QKI: variants seen among roughly 807,000 people sequenced by gnomAD.
The protein encoded by QKI is KH domain-containing RNA-binding protein QKI.
QKI carries 10 observed loss-of-function variants against 39.0 expected under a neutral mutation model. The observed-to-expected ratio is 0.26, with a 90% CI of 0.16 to 0.43. The LOEUF is 0.43. QKI is among the 20% of genes least tolerant of loss of function. QKI has a pLI of 1.00. For synonymous variants in QKI, 204 were observed against 155.4 expected, an observed-to-expected ratio of 1.31 and a Z score of -2.33; for missense variants, 218 against 428.0, an observed-to-expected ratio of 0.51 and a Z score of 4.33.
intron 1 of QKI, among the ~76,000 whole-genome samples, chr6:163,447,795 T>G (rs1790264433): frequency 6.6e-6 from 1 of 152,232 alleles, no homozygotes; most frequent in South Asian, 2.1e-4. Context: ...TTTATTATGC[T>G]ACTGTTTTTA....
intron 2 of QKI, among the ~76,000 whole-genome samples, chr6:163,456,739 AGTTG>A (rs1235319785): frequency 6.6e-6 from 1 of 152,052 alleles, no homozygotes; most frequent in Non-Finnish European, 1.5e-5. Context: ...GGAAAAGAGG[AGTTG>A]GTTGGAAGAT....
At chr6:163,521,647 C>T (rs1039896295) in intron 3 of QKI, among the ~76,000 whole-genome samples, 3 of 152,082 alleles carry the variant, frequency 2.0e-5, no homozygotes, top group African/African-American at 2.4e-5. Flanking sequence ...CTCAGCCTCC[C>T]GGGTAGCTGG....
intron 1 of QKI, among the ~76,000 whole-genome samples, chr6:163,439,461 C>A (rs1229609709): frequency 6.6e-6 from 1 of 150,598 alleles, no homozygotes; most frequent in Middle Eastern, 3.4e-3. Flanking sequence ...GATTCTCCTG[C>A]CTCAGTCTCC....
chr6:163,506,712 A>T (rs1779116234), intron 3 of QKI, among the ~76,000 whole-genome samples: 1 of 152,218 alleles, frequency 6.6e-6, no homozygotes, highest in South Asian at 2.1e-4. Context: ...TATAATGTGC[A>T]TAGTGCCTGG....
chr6:163,564,540 A>G (rs1018469914), intron 6 of QKI: 57 of 1,537,272 alleles, frequency 3.7e-5, no homozygotes, highest in African/African-American at 8.3e-5. Flanking sequence ...AGTTAAATAA[A>G]TAGCAAATCA....
chr6:163,415,776 C>T (rs1229090442), intron 1 of QKI: 2 of 336,184 alleles, frequency 5.9e-6, no homozygotes, highest in East Asian at 2.2e-4. Flanking sequence ...CGCTCGGCCT[C>T]CCGAGCCTGC....
intron 1 of QKI, among the ~76,000 whole-genome samples, chr6:163,415,611 A>G (rs1478744936): frequency 6.6e-6 from 1 of 151,350 alleles, no homozygotes; most frequent in Non-Finnish European, 1.5e-5. Context: ...CTGCGGGGTG[A>G]GCCCTGCGGC....
At chr6:163,419,023 A>G (rs1240350163) in intron 1 of QKI, among the ~76,000 whole-genome samples, 6 of 152,132 alleles carry the variant, frequency 3.9e-5, no homozygotes, top group African/African-American at 9.7e-5. Context: ...GATATCAGAA[A>G]AATTAGTGTG....
Position 163,570,695 on chromosome 6 carries a change from C to G in QKI, c.1011C>G (p.Ala337=). Reference sequence around the variant, plus strand: ...TTTTTTTTGTTTCTAACCACCCAGCCGCCACCGGCAACTAACCTATGACCT... The same window carrying G: ...TTTTTTTTGTTTCTAACCACCCAGCGGCCACCGGCAACTAACCTATGACCT... ...PYQRIVTADR[A]ATGN Residue 337 remains alanine (A), a splice_region_variant and synonymous_variant, in exon 8 of 8, where the codon GCC becomes GCG. Transcript: ENST00000361752. The G allele has an allele frequency of 1.2e-6, 2 of 1,612,474 alleles. No individual in the cohort carries two copies. The highest frequency in any genetic ancestry group is 1.7e-6 in the Non-Finnish European group (2 of 1,179,500).
intron 2 of QKI, among the ~76,000 whole-genome samples, chr6:163,473,661 T>C (rs1362416511): frequency 6.6e-6 from 1 of 152,134 alleles, no homozygotes; most frequent in Non-Finnish European, 1.5e-5. Context: ...AAAATTGACA[T>C]ACGAAGGAAT....
intron 3 of QKI, among the ~76,000 whole-genome samples, chr6:163,488,329 CAAAAA>C (rs1278631126): frequency 6.8e-6 from 1 of 146,688 alleles, no homozygotes; most frequent in Non-Finnish European, 1.5e-5. Context: ...CAAAAAGTGA[CAAAAA>C]AAAAGAGAGA....
intron 3 of QKI, among the ~76,000 whole-genome samples, chr6:163,490,716 T>C (rs1777996888): frequency 6.6e-6 from 1 of 152,176 alleles, no homozygotes; most frequent in Non-Finnish European, 1.5e-5. Context: ...CACTCTTCTC[T>C]TTTAAAGATG....
rs1027725113 is a variant in QKI at position 163,573,546 on chromosome 6, C to A, written c.*2836C>A. ...TATAACATTCAAAAAGAATTTTTTT[C>A]TTGATTGAGAAAAGGATACAAAATG... On this transcript the variant is annotated 3_prime_UTR_variant, in exon 8 of 8. Transcript: ENST00000361752. 2.6e-5 allele frequency: 4 copies of A among 151,856 alleles called. No homozygotes were observed. Among genetic ancestry groups the A allele is most frequent in the African/African-American group, 9.7e-5 (4 of 41,354 alleles). The allele number at this position is 151,856 out of a possible 1,614,324, so 9.4% of individuals were successfully genotyped here. A position where few individuals can be genotyped will look rare whatever the true frequency, so the allele number is the denominator to read the frequency against.
chr6:163,489,613 A>G (rs1305995512), intron 3 of QKI, among the ~76,000 whole-genome samples: 1 of 150,596 alleles, frequency 6.6e-6, no homozygotes. Flanking sequence ...CTTAAGGCAC[A>G]CTAATTGTAA....
intron 7 of QKI, 128 bp from the exon 8 acceptor site, chr6:163,570,566 C>CTT: frequency 6.6e-6 from 9 of 1,358,928 alleles, no homozygotes; most frequent in South Asian, 4.6e-5. Flanking sequence ...ATTAAACATG[C>CTT]TTTTTTTTTT....
chr6:163,564,018 A>C, intron 6 of QKI: 14 of 1,200,364 alleles, frequency 1.2e-5, no homozygotes, highest in Non-Finnish European at 1.4e-5. Flanking sequence ...TCTGAGTTTT[A>C]GGTCCCACCC....
At chr6:163,419,840 A>G (rs891480284) in intron 1 of QKI, among the ~76,000 whole-genome samples, 1 of 152,200 alleles carries the variant, frequency 6.6e-6, no homozygotes, top group African/African-American at 2.4e-5. Context: ...TTTGGGATGA[A>G]CACTTTTTCT....
intron 3 of QKI, among the ~76,000 whole-genome samples, chr6:163,531,502 G>A (rs748711507): frequency 9.9e-5 from 15 of 152,098 alleles, no homozygotes; most frequent in Non-Finnish European, 1.8e-4. Context: ...CCTCACCCCT[G>A]TTTTCACTGC....
intron 1 of QKI, among the ~76,000 whole-genome samples, chr6:163,427,904 G>A (rs570060367): frequency 1.2e-4 from 19 of 152,250 alleles, no homozygotes; most frequent in Non-Finnish European, 2.4e-4. Context: ...AAACCTCATA[G>A]GTAGAAAGTA....
Sources: gnomAD v4.1 joint callset for allele counts (sites outside exome capture counted in the v4.1 genomes callset) on GRCh38, gnomAD v4.1.1 for gene constraint, MANE v1.5 for transcripts, NCBI Gene and HGNC (gene_info 2026-07-23, HGNC 2026-07-21) for gene names.